Variants in PTMA observed in about 807,000 individuals in gnomAD.
The protein encoded by PTMA is prothymosin alpha, also known as gene sequence 28.
PTMA carries 4 observed loss-of-function variants against 16.9 expected under a neutral mutation model. The ratio of observed to expected loss-of-function variants is 0.24; its 90% confidence interval spans 0.12 to 0.54. The LOEUF (loss-of-function observed/expected upper bound fraction) is 0.54. Ranked by LOEUF, PTMA falls within the 20% of genes least tolerant of loss-of-function variation. The pLI is 0.95. For missense variants in PTMA, 120 were observed against 137.7 expected (o/e 0.87, Z 0.64); for synonymous variants, 58 against 47.9 (o/e 1.21, Z -0.87).
intron 1 of PTMA, among the ~76,000 whole-genome samples, chr2:231,709,295 G>A (rs2048484987): frequency 1.3e-5 from 2 of 152,156 alleles, no homozygotes; most frequent in Admixed American, 6.5e-5. Flanking sequence ...CGATAAGGCG[G>A]ATGGGGCGAC....
intron 2 of PTMA, 48 bp from the exon 3 acceptor site, chr2:231,711,842 C>G (rs751875785): frequency 6.2e-7 from 1 of 1,608,068 alleles, no homozygotes. Flanking sequence ...ACGCTCTGTC[C>G]AGCCTGGGGC....
intron 1 of PTMA, chr2:231,710,208 G>C: frequency 1.5e-6 from 2 of 1,334,936 alleles, no homozygotes; most frequent in Non-Finnish European, 1.9e-6. Context: ...CCGGGGTGGC[G>C]GCAGTGGGGC....
Position 231,708,559 on chromosome 2 carries a change from T to G in PTMA, c.-148T>G. On this transcript the variant is annotated 5_prime_UTR_variant, in exon 1 of 5. Coordinates refer to ENST00000409115, the MANE Select transcript of PTMA (RefSeq NM_002823.5). ...GCTGCTCTGAAAAGCCATCTTTGCATTGTTCCTCATCCGCCTCCTTGCTCG... is the reference window on the plus strand; with the variant it reads ...GCTGCTCTGAAAAGCCATCTTTGCAGTGTTCCTCATCCGCCTCCTTGCTCG... The G allele has an allele frequency of 2.2e-6, 2 of 895,102 alleles. No homozygotes were observed. Among genetic ancestry groups the G allele is most frequent in the Non-Finnish European group, 3.6e-6 (2 of 560,622 alleles). 55.4% of individuals were successfully genotyped at this position (895,102 alleles called of 1,614,324 possible). A position where few individuals can be genotyped will look rare whatever the true frequency, so the allele number is the denominator to read the frequency against.
chr2:231,711,809 T>TGGGAGGCC lies in PTMA; in HGVS notation c.118-77_118-70dup, dbSNP rs2048521890. 10 of 1,571,694 alleles carry TGGGAGGCC rather than the reference T, an allele frequency of 6.4e-6. No homozygotes were observed. In the East Asian group the frequency reaches 2.3e-4, roughly 36 times the overall value. On this transcript the variant is annotated intron_variant, in intron 2 of 4. Transcript: ENST00000409115. ...TGTAGATGCAGCCGCCAGCCTCTGG[T>TGGGAGGCC]GGGAGGCCGGGCATCAGGAGCAACG...
chr2:231,711,004 C>T (rs879274967), intron 1 of PTMA: 3 of 251,736 alleles, frequency 1.2e-5, no homozygotes, highest in Admixed American at 1.1e-4. Context: ...GGCTGATGGG[C>T]GTGAGTGTCC....
intron 1 of PTMA, 32 bp downstream of exon 1, chr2:231,708,783 TCC>T: frequency 6.3e-7 from 1 of 1,596,594 alleles, no homozygotes; most frequent in South Asian, 1.1e-5. Flanking sequence ...CCCCTCGGGG[TCC>T]GCGCGCCGCC....
chr2:231,711,443 G>T, intron 2 of PTMA, 24 bp downstream of exon 2: 1 of 1,611,850 alleles, frequency 6.2e-7, no homozygotes, highest in Non-Finnish European at 8.5e-7. Flanking sequence ...TTGCTCCTGA[G>T]CCCTGGCAGC....
intron 3 of PTMA, 78 bp from the exon 4 acceptor site, chr2:231,712,364 CA>C (rs2048529591): frequency 1.4e-6 from 2 of 1,447,720 alleles, no homozygotes; most frequent in East Asian, 4.6e-5. Context: ...CCTTGCAGTC[CA>C]CTACATGTTC....
At chr2:231,708,846 T>G (rs1349010365) in intron 1 of PTMA, 95 bp downstream of exon 1, 7 of 1,428,106 alleles carry the variant, frequency 4.9e-6, no homozygotes, top group African/African-American at 1.4e-5. Context: ...AGCCCGCTGT[T>G]GCTCCCTCTC....
intron 1 of PTMA, 36 bp downstream of exon 1, chr2:231,708,787 C>T: frequency 1.3e-6 from 2 of 1,594,490 alleles, no homozygotes; most frequent in Non-Finnish European, 8.5e-7. Flanking sequence ...TCGGGGTCCG[C>T]GCGCCGCCGC....
At chr2:231,710,126 CTA>C in intron 1 of PTMA, 1 of 1,247,312 alleles carries the variant, frequency 8.0e-7, no homozygotes. Context: ...AGTCTCGGAC[CTA>C]CGCAGCCCGG....
chr2:231,710,207 C>A, intron 1 of PTMA: 1 of 1,330,490 alleles, frequency 7.5e-7, no homozygotes. Flanking sequence ...GCCGGGGTGG[C>A]GGCAGTGGGG....
At chr2:231,710,697 C>T (rs1404776111) in intron 1 of PTMA, 3 of 398,954 alleles carry the variant, frequency 7.5e-6, no homozygotes, top group Admixed American at 3.0e-5. Flanking sequence ...GATCCCTAGC[C>T]GCCGCGGGGA....
chr2:231,712,141 G>T (rs975260221), intron 3 of PTMA, among the ~76,000 whole-genome samples, 158 bp downstream of exon 3: 3 of 152,212 alleles, frequency 2.0e-5, no homozygotes, highest in African/African-American at 7.2e-5. Context: ...AGTCAGGGAA[G>T]GTCTCCCTGA....
chr2:231,710,912 C>T (rs1025721014), intron 1 of PTMA, among the ~76,000 whole-genome samples: 4 of 152,276 alleles, frequency 2.6e-5, no homozygotes, highest in Non-Finnish European at 4.4e-5. Flanking sequence ...AGGCCCCTCT[C>T]TCTTTGCCTT....
rs915806879 is a variant in PTMA at position 231,708,584 on chromosome 2, G to C, written c.-123G>C. 57 of 1,221,962 alleles carry C rather than the reference G, an allele frequency of 4.7e-5. No individual in the cohort carries two copies. The highest frequency in any genetic ancestry group is 4.7e-5 in the Non-Finnish European group (40 of 846,322). The allele number at this position is 1,221,962 out of a possible 1,614,324, so 75.7% of individuals were successfully genotyped here. On this transcript the variant is annotated 5_prime_UTR_variant, in exon 1 of 5. Coordinates refer to ENST00000409115, the MANE Select transcript of PTMA (RefSeq NM_002823.5). Reference sequence around the variant, plus strand: ...TTGTTCCTCATCCGCCTCCTTGCTCGCCGCAGCCGCCTCCGCCGCGCGCCT... The same window carrying C: ...TTGTTCCTCATCCGCCTCCTTGCTCCCCGCAGCCGCCTCCGCCGCGCGCCT...
Position 231,711,316 on chromosome 2 carries a change from A to G in PTMA, c.46-32A>G, listed in dbSNP as rs771567052. 1.8e-5 allele frequency: 28 copies of G among 1,590,882 alleles called. No individual in the cohort carries two copies. The East Asian group carries it at 5.8e-4, about 33-fold the overall frequency. ...TTACCCTGGGTTGCTCAGAAGACTT[A>G]CTGGTTACTGGTTCCTTCTTCCCTT... On this transcript the variant is annotated intron_variant, in intron 1 of 4. Coordinates refer to ENST00000409115, the MANE Select transcript of PTMA (RefSeq NM_002823.5).
rs199649658 is a variant in PTMA at position 231,708,662 on chromosome 2, G to C, written c.-45G>C. Reference sequence around the variant, plus strand: ...TTATCGCCAGAGTCCCTGAACTCTCGCTTTCTTTTTAATCCCCTGCATCGG... The same window carrying C: ...TTATCGCCAGAGTCCCTGAACTCTCCCTTTCTTTTTAATCCCCTGCATCGG... On this transcript the variant is annotated 5_prime_UTR_variant, in exon 1 of 5. Coordinates refer to ENST00000409115, the MANE Select transcript of PTMA (RefSeq NM_002823.5). 5.6e-6 allele frequency: 9 copies of C among 1,598,730 alleles called. No individual in the cohort carries two copies. Among genetic ancestry groups the C allele is most frequent in the African/African-American group, 2.7e-5 (2 of 74,936 alleles).
At position 231,708,693 on chromosome 2, in the gene PTMA, C is replaced by T. The variant is rs780149423; in HGVS notation, c.-14C>T. ...TTTTTAATCCCCTGCATCGGATCAC[C>T]GGCGTGCCCCACCATGTCAGACGCA... On this transcript the variant is annotated 5_prime_UTR_variant, in exon 1 of 5. Coordinates refer to ENST00000409115, the MANE Select transcript of PTMA (RefSeq NM_002823.5). 15 of 1,602,262 alleles carry T rather than the reference C, an allele frequency of 9.4e-6. No homozygotes were observed. The highest frequency in any genetic ancestry group is 1.7e-5 in the Admixed American group (1 of 59,992).
Sources: allele counts gnomAD v4.1 joint callset (sites outside exome capture counted in the v4.1 genomes callset), GRCh38; gene constraint gnomAD v4.1.1; transcripts MANE v1.5; gene names NCBI Gene and HGNC (gene_info 2026-07-23, HGNC 2026-07-21).